The following ACER1 variants were observed in gnomAD, a reference collection of about 807,000 sequenced individuals.
ACER1 encodes the protein CTB-180A7.3.
In ACER1, 28 loss-of-function variants were observed where a neutral mutation model predicts 24.9. That is an observed-to-expected ratio of 1.13 (90% confidence interval 0.83 to 1.54). The LOEUF (loss-of-function observed/expected upper bound fraction) is 1.54. ACER1 is among the 40% of genes most tolerant of loss of function. The pLI is 0.00. For synonymous variants in ACER1, 132 were observed against 131.4 expected (o/e 1.00, Z -0.03); for missense variants, 352 against 349.3 (o/e 1.01, Z -0.06).
intron 3 of ACER1, among the ~76,000 whole-genome samples, chr19:6,311,377 A>G (rs2091579077): frequency 6.6e-6 from 1 of 152,078 alleles, no homozygotes; most frequent in African/African-American, 2.4e-5. Flanking sequence ...AACCGTCTCT[A>G]CTAAAAATAC....
At chr19:6,311,399 G>A (rs912347259) in intron 3 of ACER1, among the ~76,000 whole-genome samples, 2 of 151,896 alleles carry the variant, frequency 1.3e-5, no homozygotes, top group South Asian at 2.1e-4. Flanking sequence ...AAAATTAGCC[G>A]GGTGTGGTGG....
At chr19:6,308,233 G>A (rs1292500487) in intron 4 of ACER1, among the ~76,000 whole-genome samples, 1 of 151,944 alleles carries the variant, frequency 6.6e-6, no homozygotes, top group Non-Finnish European at 1.5e-5. Flanking sequence ...TTAGGAGTTC[G>A]AGACCAGCCT....
chr19:6,356,070 GC>G, the ACER1 span, among the ~76,000 whole-genome samples: 4 of 151,466 alleles, frequency 2.6e-5, no homozygotes, highest in Non-Finnish European at 5.9e-5. Flanking sequence ...TCGGATGGTT[GC>G]CATGTCTGTG....
At position 6,331,966 on chromosome 19, in the gene ACER1, AT is replaced by A. The variant is rs113359211; in HGVS notation, c.93+1492del. On this transcript the variant is annotated intron_variant, in intron 1 of 5. Transcript: ENST00000301452. Reference sequence around the variant, plus strand: ...ATGCCGTGATCATTTGTGCATTCCTATTTTTTTTTTTTTTTTTGAGACGAAG... The same window carrying A: ...ATGCCGTGATCATTTGTGCATTCCTATTTTTTTTTTTTTTTTGAGACGAAG... Among the ~76,000 whole-genome samples the A allele has an allele frequency of 6.7e-3, 890 of 133,654 alleles. 3 individuals carry two copies. Among genetic ancestry groups the A allele is most frequent in the African/African-American group, 0.017 (626 of 37,008 alleles). The allele number at this position is 133,654 out of a possible 152,430, so 87.7% of individuals were successfully genotyped here. A position where few individuals can be genotyped will look rare whatever the true frequency, so the allele number is the denominator to read the frequency against.
chr19:6,346,519 CTTTT>C, the ACER1 span, among the ~76,000 whole-genome samples: 1 of 130,954 alleles, frequency 7.6e-6, no homozygotes, highest in African/African-American at 2.8e-5. Context: ...TTTTTCTTTT[CTTTT>C]TTTTTTTTTT....
At chr19:6,341,457 G>A in the ACER1 span, among the ~76,000 whole-genome samples, 5 of 147,960 alleles carry the variant, frequency 3.4e-5, no homozygotes, top group Admixed American at 1.3e-4. Flanking sequence ...CCTAAAGGTC[G>A]AAGTTGCAGT....
rs376683009 is a variant in ACER1 at position 6,312,311 on chromosome 19, G to T, written c.209-21C>A. On this transcript the variant is annotated intron_variant, in intron 2 of 5. Transcript: ENST00000301452. ...CAGGCCTGCAGCGGCAAGGGCAGGC[G>T]GTCAGTGGGGTCCGCCACCTCCTAA... The T allele has an allele frequency of 3.7e-6, 6 of 1,613,710 alleles. No individual in the cohort carries two copies. The South Asian group carries it at 6.6e-5, about 18-fold the overall frequency.
At chr19:6,356,465 C>CAATTAAAAAA in the ACER1 span, among the ~76,000 whole-genome samples, 1 of 142,314 alleles carries the variant, frequency 7.0e-6, no homozygotes, top group African/African-American at 2.8e-5. Context: ...CAAGAATGAT[C>CAATTAAAAAA]AATAAAAAAA....
chr19:6,310,873 A>T (rs1345987974), intron 3 of ACER1, among the ~76,000 whole-genome samples: 1 of 128,256 alleles, frequency 7.8e-6, no homozygotes, highest in Non-Finnish European at 1.6e-5. Flanking sequence ...GCGAGACTTC[A>T]TCTAAAAAAA....
the ACER1 span, among the ~76,000 whole-genome samples, chr19:6,340,801 G>A: frequency 0.2 from 30,654 of 151,966 alleles, 4,266 homozygotes; most frequent in East Asian, 0.38. Flanking sequence ...CTCTTCCCCC[G>A]CTAGGGGGAG....
upstream of ACER1, among the ~76,000 whole-genome samples, chr19:6,334,890 T>C (rs369695065): frequency 8.7e-4 from 131 of 151,166 alleles, 3 homozygotes; most frequent in East Asian, 0.022. Flanking sequence ...GTGCTGGGAT[T>C]ACAGGGTTTT....
At chr19:6,353,075 C>T in the ACER1 span, among the ~76,000 whole-genome samples, 1 of 152,150 alleles carries the variant, frequency 6.6e-6, no homozygotes, top group Non-Finnish European at 1.5e-5. Context: ...TCTGTAATCC[C>T]AGCACCAAGA....
chr19:6,328,226 C>G (rs1233426494), intron 1 of ACER1, among the ~76,000 whole-genome samples: 1 of 151,322 alleles, frequency 6.6e-6, no homozygotes, highest in East Asian at 2.0e-4. Flanking sequence ...CGTGGTGGCT[C>G]ATGGCTGTAA....
rs146473754 is a variant in ACER1 at position 6,331,143 on chromosome 19, A to G, written c.93+2316T>C. ...AAATGTTTAGGGTCATGCCTGGTACACAGCAAGCACTTTTTTTTTTTTTTT... is the reference window on the plus strand; with the variant it reads ...AAATGTTTAGGGTCATGCCTGGTACGCAGCAAGCACTTTTTTTTTTTTTTT... On this transcript the variant is annotated intron_variant, in intron 1 of 5. Coordinates refer to ENST00000301452, the MANE Select transcript of ACER1 (RefSeq NM_133492.3). Among the ~76,000 whole-genome samples, 360 of 139,432 alleles carry G rather than the reference A, an allele frequency of 2.6e-3. 35 individuals are homozygous for G. Among genetic ancestry groups the G allele is most frequent in the African/African-American group, 0.01 (328 of 31,810 alleles). The allele number at this position is 139,432 out of a possible 152,430, so 91.5% of individuals were successfully genotyped here.
At chr19:6,344,225 C>T in the ACER1 span, among the ~76,000 whole-genome samples, 8 of 151,660 alleles carry the variant, frequency 5.3e-5, no homozygotes, top group South Asian at 6.3e-4. Context: ...GCCGAGATTG[C>T]GCCACTGCAC....
At chr19:6,323,886 G>A (rs1600241932) in intron 1 of ACER1, among the ~76,000 whole-genome samples, 1 of 150,706 alleles carries the variant, frequency 6.6e-6, no homozygotes, top group East Asian at 1.9e-4. Context: ...TCTCCTCCTG[G>A]GTCACACAGC....
At chr19:6,335,906 C>CTTTTTTTTTTTT (rs750891225), upstream of ACER1, among the ~76,000 whole-genome samples, 1 of 141,554 alleles carries the variant, frequency 7.1e-6, no homozygotes, top group African/African-American at 2.6e-5. Context: ...TTTTTCTTTT[C>CTTTTTTTTTTTT]TTTTTTTTTT....
chr19:6,347,109 A>AAAAAATATATATATATATATATATAT, the ACER1 span, among the ~76,000 whole-genome samples: 4 of 113,818 alleles, frequency 3.5e-5, no homozygotes, highest in African/African-American at 2.0e-4. Flanking sequence ...AAAAAAAAAA[A>AAAAAATATATATATATATATATATAT]ATATATATAT....
At chr19:6,316,960 CT>C (rs1293341668) in intron 1 of ACER1, among the ~76,000 whole-genome samples, 4 of 150,456 alleles carry the variant, frequency 2.7e-5, no homozygotes, top group African/African-American at 9.8e-5. Flanking sequence ...GTCTCTTTCC[CT>C]CCCCATCTTT....
Sources: allele counts gnomAD v4.1 joint callset (sites outside exome capture counted in the v4.1 genomes callset), GRCh38; gene constraint gnomAD v4.1.1; transcripts MANE v1.5; gene names NCBI Gene and HGNC (gene_info 2026-07-23, HGNC 2026-07-21).